Variants in RELN observed in about 807,000 individuals in gnomAD.
RELN encodes reelin.
Under a neutral mutation model 427.6 loss-of-function variants are expected in RELN, and 108 were observed. That is an observed-to-expected ratio of 0.25 (90% CI 0.22 to 0.30). RELN has a LOEUF of 0.30. Ranked by LOEUF, RELN falls within the 10% of genes least tolerant of loss-of-function variation. The pLI is 1.00. For missense variants in RELN, 3,715 were observed against 4,302.8 expected (o/e 0.86, Z 3.82); for synonymous variants, 1,524 against 1,513.4 (o/e 1.01, Z -0.16).
chr7:103,605,453 G>A (rs936887515), intron 22 of RELN, among the ~76,000 whole-genome samples: 4 of 152,144 alleles, frequency 2.6e-5, no homozygotes, highest in African/African-American at 4.8e-5. Flanking sequence ...TCACTGAAAC[G>A]AAATATAAAG....
In RELN at chr7:103,539,141, T is replaced by G; in HGVS notation, c.7117A>C (p.Asn2373His). Residue 2373 changes from asparagine to histidine, a missense_variant, in exon 45 of 65, where the codon AAT becomes CAT. By Grantham distance (68) the Asn-to-His change is moderately conservative (BLOSUM62 1). This residue lies in a region of RELN where 1,310 missense variants were observed against 1,643.0 expected (regional missense o/e 0.80). Transcript: ENST00000428762. Reference protein sequence around the residue: ...RYVVSTDVAVNEDSFLQIDFA... With the variant: ...RYVVSTDVAVHEDSFLQIDFA... ...TCTATCTGTAGGAAGGAATCCTCAT[T>G]CACGGCAACGTCTGTGCTGACCACG... The G allele has an allele frequency of 6.2e-7, 1 of 1,614,220 alleles. No individual in the cohort carries two copies. The highest frequency in any genetic ancestry group is 1.3e-5 in the African/African-American group (1 of 75,054).
chr7:103,663,937 C>T (rs1833200951), intron 11 of RELN, among the ~76,000 whole-genome samples: 1 of 152,190 alleles, frequency 6.6e-6, no homozygotes. Flanking sequence ...TGCCTGTTCC[C>T]TTACTCATAC....
chr7:103,827,308 A>C (rs963032035), intron 3 of RELN, among the ~76,000 whole-genome samples: 1 of 151,972 alleles, frequency 6.6e-6, no homozygotes, highest in African/African-American at 2.4e-5. Context: ...TGTGCTGTTT[A>C]TACCATGACT....
rs1453223839 is a variant in RELN at position 103,540,251 on chromosome 7, G to C, written c.6876C>G (p.Arg2292=). Residue 2292 remains arginine, a synonymous_variant, in exon 44 of 65, where the codon CGC becomes CGG. Coordinates refer to ENST00000428762, the MANE Select transcript of RELN (RefSeq NM_005045.4). ...LKARSGSTRL[R]WWQPSENGHF... is the part of the protein sequence containing the mutation. ...GCCCATTCTCAGACGGTTGCCACCA[G>C]CGAAGGCGAGTAGAACCAGAACGGG... is the stretch of plus-strand genomic sequence containing the variant. 2 of 1,614,098 alleles carry C rather than the reference G, an allele frequency of 1.2e-6. No individual in the cohort carries two copies. Among genetic ancestry groups the C allele is most frequent in the Non-Finnish European group, 1.7e-6 (2 of 1,180,046 alleles).
chr7:103,480,117 C>A (rs1828180439), intron 63 of RELN, among the ~76,000 whole-genome samples: 1 of 152,134 alleles, frequency 6.6e-6, no homozygotes, highest in Admixed American at 6.6e-5. Context: ...CTCTCCCTGC[C>A]ATGCTTGAGG....
At chr7:103,785,773 CTG>C (rs756381222) in intron 3 of RELN, among the ~76,000 whole-genome samples, 23 of 151,912 alleles carry the variant, frequency 1.5e-4, no homozygotes, top group African/African-American at 4.8e-4. Flanking sequence ...GTGATCAACT[CTG>C]TGAAAATATT....
At chr7:103,771,990 C>T (rs573602094) in intron 4 of RELN, among the ~76,000 whole-genome samples, 10 of 152,206 alleles carry the variant, frequency 6.6e-5, no homozygotes, top group East Asian at 1.9e-4. Context: ...TCCTTCCCAC[C>T]GCCTGCAGAA....
intron 6 of RELN, among the ~76,000 whole-genome samples, chr7:103,742,415 A>G (rs930738277): frequency 6.6e-6 from 1 of 152,246 alleles, no homozygotes; most frequent in Admixed American, 6.5e-5. Flanking sequence ...AACTGGATGG[A>G]GAATGACTTT....
intron 1 of RELN, among the ~76,000 whole-genome samples, chr7:103,949,110 T>TATA (rs1796282245): frequency 6.7e-6 from 1 of 149,926 alleles, no homozygotes; most frequent in Admixed American, 6.6e-5. Context: ...CGCACACATA[T>TATA]ATATATGTGT....
intron 2 of RELN, among the ~76,000 whole-genome samples, chr7:103,907,415 GAAAAAAAAAAAAA>G (rs941182837): frequency 4.5e-5 from 2 of 44,080 alleles, no homozygotes. Context: ...CAAGGCTCTG[GAAAAAAAAAAAAA>G]AAAAAAAAAA....
At position 103,603,378 on chromosome 7, in the gene RELN, T is replaced by A. The variant is rs1243933034; in HGVS notation, c.3259A>T (p.Ile1087Phe). Residue 1087 changes from isoleucine to phenylalanine, a missense_variant, in exon 24 of 65, where the codon ATT (isoleucine) becomes TTT (phenylalanine). Physicochemically the swap from Ile to Phe is conservative, Grantham distance 21. This residue lies in a region of RELN where 2,208 missense variants were observed against 2,361.7 expected (regional missense o/e 0.93). Transcript: ENST00000428762. The surrounding 1 kb of genome is among the most constrained non-coding windows in gnomAD (Gnocchi z 4.3). ...TCTGGTTTTACAATTTCTCCCCCAA[T>A]AACTTCTTGCCAGTCAGACTCCCAG... is the stretch of plus-strand genomic sequence containing the variant. ...NGWESDWQEV[I>F]GGEIVKPEQG... 1 of 1,613,840 alleles carries A rather than the reference T, an allele frequency of 6.2e-7. No homozygotes were observed. Among genetic ancestry groups the A allele is most frequent in the South Asian group, 1.1e-5 (1 of 91,072 alleles).
intron 18 of RELN, among the ~76,000 whole-genome samples, 198 bp from the exon 19 acceptor site, chr7:103,635,784 T>A (rs756731859): frequency 6.6e-6 from 1 of 152,218 alleles, no homozygotes; most frequent in African/African-American, 2.4e-5. Context: ...TACAGATAGA[T>A]CCATAAAAAT....
chr7:103,484,388 G>A (rs892704930), intron 61 of RELN: 45 of 160,814 alleles, frequency 2.8e-4, no homozygotes, highest in African/African-American at 1.0e-3. Flanking sequence ...TGTTGGGGAT[G>A]GTCATCCTCT....
intron 51 of RELN, among the ~76,000 whole-genome samples, chr7:103,510,121 C>T (rs1829356993): frequency 6.6e-6 from 1 of 152,162 alleles, no homozygotes; most frequent in Non-Finnish European, 1.5e-5. Flanking sequence ...CCATTGCACC[C>T]AGCAATCCCA....
intron 10 of RELN, among the ~76,000 whole-genome samples, chr7:103,697,598 T>C (rs541879368): frequency 2.6e-4 from 39 of 152,294 alleles, no homozygotes; most frequent in African/African-American, 9.1e-4. Flanking sequence ...TTTGTGGTTA[T>C]ATTCTCTGGG....
chr7:103,672,191 A>G (rs6975465), intron 11 of RELN, among the ~76,000 whole-genome samples: 2,929 of 152,266 alleles, frequency 0.019, 111 homozygotes, highest in African/African-American at 0.067. Context: ...GTTGCTCTAT[A>G]TGCAAATTTG....
intron 3 of RELN, among the ~76,000 whole-genome samples, chr7:103,811,167 C>T (rs900126211): frequency 3.3e-5 from 5 of 152,106 alleles, no homozygotes; most frequent in African/African-American, 7.2e-5. Flanking sequence ...AATGATGTAG[C>T]TGTTTGTTTA....
intron 31 of RELN, among the ~76,000 whole-genome samples, chr7:103,568,236 G>A (rs1287423465): frequency 6.6e-6 from 1 of 152,194 alleles, no homozygotes; most frequent in African/African-American, 2.4e-5. Flanking sequence ...ACAATAAAGT[G>A]TAGTGCTAAA....
In RELN at chr7:103,653,405, T is replaced by C. The variant is rs1442418435; in HGVS notation, c.1555-646A>G. ...CATTCTAACCTTGATGTTTGTTTTG[T>C]CTTTCTAACTTAAACCCTGAAATGC... On this transcript the variant is annotated intron_variant, in intron 13 of 64. Coordinates refer to ENST00000428762, the MANE Select transcript of RELN (RefSeq NM_005045.4). Among the ~76,000 whole-genome samples the C allele has an allele frequency of 3.3e-5, 5 of 152,078 alleles. No homozygotes were observed. In the South Asian group the frequency reaches 6.2e-4, roughly 19 times the overall value.
Sources: allele counts gnomAD v4.1 joint callset (sites outside exome capture counted in the v4.1 genomes callset), GRCh38; gene constraint gnomAD v4.1.1; regional missense constraint gnomAD v4.1.1; non-coding constraint Gnocchi (gnomAD v3.1); transcripts MANE v1.5; gene names NCBI Gene and HGNC (gene_info 2026-07-23, HGNC 2026-07-21).